Variants in ZCCHC4 observed in about 807,000 individuals in gnomAD.
The protein encoded by ZCCHC4 is zinc finger CCHC-type containing 4.
A neutral mutation model predicts 67.7 loss-of-function variants in ZCCHC4; 54 were observed. That is an observed-to-expected ratio of 0.80 (90% CI 0.64 to 1.00). The LOEUF (loss-of-function observed/expected upper bound fraction) is 1.00. Among genes scored for constraint, ZCCHC4 ranks in the 50% least tolerant of loss-of-function variants. ZCCHC4 has a pLI of 0.00. For missense variants in ZCCHC4, 609 were observed against 617.0 expected (o/e 0.99, Z 0.14); for synonymous variants, 198 against 213.5 (o/e 0.93, Z 0.63).
At chr4:25,319,608 G>T (rs990237333) in intron 3 of ZCCHC4, among the ~76,000 whole-genome samples, 14 of 152,002 alleles carry the variant, frequency 9.2e-5, no homozygotes, top group Admixed American at 9.2e-4. Flanking sequence ...TTTGAAATCA[G>T]TCATTCTGAA....
intron 8 of ZCCHC4, among the ~76,000 whole-genome samples, chr4:25,360,757 G>C (rs1025793417): frequency 6.6e-6 from 1 of 152,168 alleles, no homozygotes; most frequent in Non-Finnish European, 1.5e-5. Flanking sequence ...CCTACACCTT[G>C]AGCCATTGCT....
At chr4:25,328,721 A>C (rs947245077) in intron 3 of ZCCHC4, among the ~76,000 whole-genome samples, 1 of 151,782 alleles carries the variant, frequency 6.6e-6, no homozygotes, top group Admixed American at 6.6e-5. Context: ...AGCTGCAACT[A>C]CAGGCACTTG....
Position 25,369,134 on chromosome 4 carries a change from G to A in ZCCHC4, c.1512G>A (p.Arg504=). 2 of 1,613,514 alleles carry A rather than the reference G, an allele frequency of 1.2e-6. No homozygotes were observed. Among genetic ancestry groups the A allele is most frequent in the South Asian group, 1.1e-5 (1 of 90,900 alleles). The change falls in exon 13 of 13, where the codon AGG becomes AGA. Residue 504 remains arginine (R), a synonymous_variant. Coordinates refer to ENST00000302874, the MANE Select transcript of ZCCHC4 (RefSeq NM_024936.3). ...CTGCTACAAGGAGAAAGAAAAGGAG[G>A]GAAAGAGCCCATCAATATCTTGGCT... is the stretch of plus-strand genomic sequence containing the variant. ...HTSATRRKKR[R]ERAHQYLGS
intron 6 of ZCCHC4, among the ~76,000 whole-genome samples, chr4:25,345,852 G>A (rs562166032): frequency 6.6e-6 from 1 of 152,252 alleles, no homozygotes; most frequent in Admixed American, 6.5e-5. Flanking sequence ...TTCTTAGAAG[G>A]CCCGTGGGGC....
chr4:25,315,895 T>C (rs1040133528), intron 3 of ZCCHC4, among the ~76,000 whole-genome samples: 1 of 152,050 alleles, frequency 6.6e-6, no homozygotes, highest in African/African-American at 2.4e-5. Context: ...TATTATTTTT[T>C]ATAGAGATAA....
At chr4:25,339,894 C>T (rs868547037) in intron 5 of ZCCHC4, among the ~76,000 whole-genome samples, 5 of 146,920 alleles carry the variant, frequency 3.4e-5, no homozygotes, top group Middle Eastern at 3.3e-3. Flanking sequence ...TTTTTTGAGA[C>T]GGAGTCTTGC....
In ZCCHC4 at chr4:25,349,648, T is replaced by A; in HGVS notation, c.910+6T>A. 1 of 1,612,896 alleles carries A rather than the reference T, an allele frequency of 6.2e-7. No homozygotes were observed. Among genetic ancestry groups the A allele is most frequent in the South Asian group, 1.1e-5 (1 of 90,912 alleles). Reference sequence around the variant, plus strand: ...GAAAGAAGGTCAAAGCCAAGGTGTATAATTTATTACTGCAAAATAAATACA... The same window carrying A: ...GAAAGAAGGTCAAAGCCAAGGTGTAAAATTTATTACTGCAAAATAAATACA... On this transcript the variant is annotated splice_donor_region_variant and intron_variant, in intron 7 of 12. Transcript: ENST00000302874.
chr4:25,357,876 A>G (rs1311904198), intron 8 of ZCCHC4, among the ~76,000 whole-genome samples: 1 of 152,208 alleles, frequency 6.6e-6, no homozygotes, highest in Non-Finnish European at 1.5e-5. Flanking sequence ...CCCTACTCCC[A>G]GAGTTTCTGT....
In ZCCHC4 at chr4:25,329,604, G is replaced by A. The variant is rs180862423; in HGVS notation, c.330-3579G>A. ...GGCTGGAGTGCAGTGGCGTGATCTCGGCTCACTGCAACCTCTGCCTCATGG... is the reference window on the plus strand; with the variant it reads ...GGCTGGAGTGCAGTGGCGTGATCTCAGCTCACTGCAACCTCTGCCTCATGG... On this transcript the variant is annotated intron_variant, in intron 3 of 12. Transcript: ENST00000302874. 1.0e-4 allele frequency among the ~76,000 whole-genome samples: 15 copies of A among 144,644 alleles called. No individual in the cohort carries two copies. In the East Asian group the frequency reaches 1.2e-3, roughly 12 times the overall value. 94.9% of individuals were successfully genotyped at this position (144,644 alleles called of 152,430 possible). A position where few individuals can be genotyped will look rare whatever the true frequency, so the allele number is the denominator to read the frequency against.
intron 3 of ZCCHC4, among the ~76,000 whole-genome samples, chr4:25,328,628 C>CTGGAG (rs1202169029): frequency 6.6e-6 from 1 of 152,100 alleles, no homozygotes; most frequent in East Asian, 1.9e-4. Context: ...GTCACCCAGG[C>CTGGAG]TGGAGTGCAG....
Position 25,315,311 on chromosome 4 carries a change from C to T in ZCCHC4, c.247-7C>T, listed in dbSNP as rs1215840248. On this transcript the variant is annotated splice_region_variant and splice_polypyrimidine_tract_variant and intron_variant, in intron 2 of 12. Coordinates refer to ENST00000302874, the MANE Select transcript of ZCCHC4 (RefSeq NM_024936.3). ...GTTTATTCAATGGGTTTTGTACTCTCTTTCAGTTGTCAGGAGCTAGACTTG... is the reference window on the plus strand; with the variant it reads ...GTTTATTCAATGGGTTTTGTACTCTTTTTCAGTTGTCAGGAGCTAGACTTG... 8 of 1,610,146 alleles carry T rather than the reference C, an allele frequency of 5.0e-6. No homozygotes were observed. The highest frequency in any genetic ancestry group is 2.2e-5 in the East Asian group (1 of 44,764).
intron 3 of ZCCHC4, among the ~76,000 whole-genome samples, chr4:25,327,307 G>A (rs2109058338): frequency 6.6e-6 from 1 of 152,242 alleles, no homozygotes; most frequent in Middle Eastern, 3.4e-3. Flanking sequence ...TATGGTGTTA[G>A]CAATAGGTTT....
At position 25,328,399 on chromosome 4, in the gene ZCCHC4, C is replaced by T. The variant is rs904333104; in HGVS notation, c.330-4784C>T. ...GGATCACAGGCACCCACCACCATGC[C>T]CAGCTAATTTTTGTATTTTTCGTAG... is the stretch of plus-strand genomic sequence containing the variant. On this transcript the variant is annotated intron_variant, in intron 3 of 12. Coordinates refer to ENST00000302874, the MANE Select transcript of ZCCHC4 (RefSeq NM_024936.3). Among the ~76,000 whole-genome samples the T allele has an allele frequency of 5.9e-5, 9 of 152,156 alleles. No individual in the cohort carries two copies. The East Asian group carries it at 1.2e-3, about 20-fold the overall frequency.
intron 12 of ZCCHC4, chr4:25,365,819 C>A (rs1027330839): frequency 1.0e-6 from 1 of 985,086 alleles, no homozygotes; most frequent in Non-Finnish European, 1.2e-6. Flanking sequence ...ATCCCCAAAA[C>A]AAAACAAAAA....
chr4:25,363,277 C>G (rs751768332), intron 10 of ZCCHC4, among the ~76,000 whole-genome samples: 6 of 152,134 alleles, frequency 3.9e-5, no homozygotes, highest in Non-Finnish European at 8.8e-5. Flanking sequence ...TAGTATATAG[C>G]CTTTCAGATT....
At chr4:25,334,041 T>C in intron 5 of ZCCHC4, 53 bp downstream of exon 5, 2 of 1,222,560 alleles carry the variant, frequency 1.6e-6, no homozygotes, top group East Asian at 2.5e-5. Context: ...TTCTTTTTAA[T>C]GTTTTTCTGT....
chr4:25,325,241 CA>C (rs11318046), intron 3 of ZCCHC4, among the ~76,000 whole-genome samples: 5,246 of 74,750 alleles, frequency 0.07, 39 homozygotes, highest in African/African-American at 0.13. Context: ...GACTCCGTCT[CA>C]AAAAAAAAAA....
chr4:25,329,836 A>T (rs1381322739), intron 3 of ZCCHC4, among the ~76,000 whole-genome samples: 1 of 151,628 alleles, frequency 6.6e-6, no homozygotes, highest in Non-Finnish European at 1.5e-5. Flanking sequence ...ACCTGGCCGG[A>T]TGTTTTTATA....
chr4:25,342,675 A>C (rs960709637), intron 5 of ZCCHC4, among the ~76,000 whole-genome samples: 1 of 152,172 alleles, frequency 6.6e-6, no homozygotes, highest in Non-Finnish European at 1.5e-5. Context: ...TGTCCTTTTG[A>C]GCATTTTTCA....
Sources: allele counts gnomAD v4.1 joint callset (sites outside exome capture counted in the v4.1 genomes callset), GRCh38; gene constraint gnomAD v4.1.1; transcripts MANE v1.5; gene names NCBI Gene and HGNC (gene_info 2026-07-23, HGNC 2026-07-21).